The following LPCAT4 variants were observed in gnomAD, a reference collection of about 807,000 sequenced individuals.
LPCAT4 encodes the protein lysophosphatidylcholine acyltransferase 4.
Under a neutral mutation model 66.5 loss-of-function variants are expected in LPCAT4, and 30 were observed. The ratio of observed to expected loss-of-function variants is 0.45; its 90% CI spans 0.34 to 0.61. The LOEUF is 0.61. LPCAT4 is among the 20% of genes least tolerant of loss of function. The pLI is 0.01. For synonymous variants in LPCAT4, 253 were observed against 262.1 expected, an observed-to-expected ratio of 0.97 and a Z score of 0.34; for missense variants, 557 against 656.7, an observed-to-expected ratio of 0.85 and a Z score of 1.66.
Position 34,359,692 on chromosome 15 carries a change from G to A in LPCAT4, c.1296C>T (p.Gly432=), listed in dbSNP as rs754983616. 1.2e-5 allele frequency: 19 copies of A among 1,613,730 alleles called. No homozygotes were observed. The highest frequency in any genetic ancestry group is 9.3e-5 in the African/African-American group (7 of 74,926). The part of the protein sequence containing the change: ...EGPNRLLYKD[G]FSTILHLLLG... ...GCAGCAGGTGCAGGATGGTGCTGAA[G>A]CCGTCTTTGTACAGCAGGCGGTTGG... The change falls in exon 13 of 14, where the codon GGC becomes GGT. Residue 432 remains glycine, a synonymous_variant. Transcript: ENST00000314891.
At position 34,363,932 on chromosome 15, in the gene LPCAT4, T is replaced by C; in HGVS notation, c.652+81A>G. 6.8e-7 allele frequency: 1 copy of C among 1,467,062 alleles called. No homozygotes were observed. 90.9% of individuals were successfully genotyped at this position (1,467,062 alleles called of 1,614,324 possible). A position where few individuals can be genotyped will look rare whatever the true frequency, so the allele number is the denominator to read the frequency against. On this transcript the variant is annotated intron_variant, in intron 5 of 13. Transcript: ENST00000314891. The surrounding 1 kb of genome is among the most constrained non-coding windows in gnomAD (Gnocchi z 4.3). ...TCTCCCATCCCTCCCCCTCTTCTAC[T>C]TCTTGGGTTATTTCAGAGTCCCTCC...
rs1310216916 is a variant in LPCAT4 at position 34,362,561 on chromosome 15, T to G, written c.884+12A>C. The G allele has an allele frequency of 2.0e-6, 3 of 1,538,234 alleles. No homozygotes were observed. Among genetic ancestry groups the G allele is most frequent in the Non-Finnish European group, 2.6e-6 (3 of 1,141,700 alleles). On this transcript the variant is annotated intron_variant, in intron 9 of 13. Transcript: ENST00000314891. ...TGCAACTGCTCCAGGAAATAGTTTG[T>G]GGGGCACTCACTGTGCCATGACCCT...
intron 1 of LPCAT4, 123 bp from the exon 2 acceptor site, chr15:34,365,824 G>T: frequency 1.7e-6 from 2 of 1,204,430 alleles, no homozygotes; most frequent in Non-Finnish European, 2.3e-6. Context: ...GACAGGTGGT[G>T]TGGGAACAGG....
rs1261470931 is a variant in LPCAT4, at chr15:34,366,967, G to T, written c.114+20C>A. ...TCCTATCCTCACGGGTCCTTCCGAC[G>T]CCCGCTCCCCACACATTACCTTAAC... On this transcript the variant is annotated intron_variant, in intron 1 of 13. Coordinates refer to ENST00000314891, the MANE Select transcript of LPCAT4 (RefSeq NM_153613.3). 1 of 1,535,186 alleles carries T rather than the reference G, an allele frequency of 6.5e-7. No homozygotes were observed. Among genetic ancestry groups the T allele is most frequent in the African/African-American group, 1.4e-5 (1 of 72,730 alleles).
rs534885544 is a variant in LPCAT4 at position 34,361,485 on chromosome 15, C to T, written c.1058G>A (p.Arg353Gln). ...VDAGAEPGRSRMISQEEFARQ... is the reference protein window; with the variant it reads ...VDAGAEPGRSQMISQEEFARQ... Reference sequence around the variant, plus strand: ...GGCAAACTCTTCCTGGCTGATCATTCGACTCCGGCCTGGCTCTGCCCCAGC... The same window carrying T: ...GGCAAACTCTTCCTGGCTGATCATTTGACTCCGGCCTGGCTCTGCCCCAGC... The change falls in exon 11 of 14, where the codon CGA becomes CAA. Residue 353 changes from arginine to glutamine, a missense_variant. Transcript: ENST00000314891. The T allele has an allele frequency of 1.1e-5, 18 of 1,614,072 alleles. No individual in the cohort carries two copies. The highest frequency in any genetic ancestry group is 3.3e-5 in the Admixed American group (2 of 60,020).
In LPCAT4 at chr15:34,359,009, T is replaced by TAAAA; in HGVS notation, c.*114_*117dup. ...ACCAAACAAAAAATTAAAATCAACT[T>TAAAA]AAAAAAACAACAACCAAACAACAAT... is the stretch of plus-strand genomic sequence containing the variant. On this transcript the variant is annotated 3_prime_UTR_variant, in exon 14 of 14. Coordinates refer to ENST00000314891, the MANE Select transcript of LPCAT4 (RefSeq NM_153613.3). 2 of 826,374 alleles carry TAAAA rather than the reference T, an allele frequency of 2.4e-6. No homozygotes were observed. The highest frequency in any genetic ancestry group is 3.6e-5 in the African/African-American group (2 of 55,846). 51.2% of individuals were successfully genotyped at this position (826,374 alleles called of 1,614,324 possible).
At chr15:34,365,307 T>G in intron 2 of LPCAT4, 79 bp from the exon 3 acceptor site, 1 of 1,422,322 alleles carries the variant, frequency 7.0e-7, no homozygotes, top group Non-Finnish European at 9.6e-7. Flanking sequence ...ACCGGGAAAG[T>G]AGGGCACCCC....
intron 1 of LPCAT4, among the ~76,000 whole-genome samples, chr15:34,366,212 A>G (rs1891072686): frequency 1.3e-5 from 2 of 152,174 alleles, no homozygotes; most frequent in South Asian, 2.1e-4. Context: ...CTCAACAGCA[A>G]TCTTAGAGTA....
rs772590018 is a variant in LPCAT4 at position 34,363,741 on chromosome 15, A to AC, written c.653-23dup. Reference sequence around the variant, plus strand: ...GCTCCTAAATCCCATTTCCACCCCCACCCCCACAAGGCAGAGGTTAGTACA... The same window carrying AC: ...GCTCCTAAATCCCATTTCCACCCCCACCCCCCACAAGGCAGAGGTTAGTACA... On this transcript the variant is annotated intron_variant, in intron 5 of 13. Coordinates refer to ENST00000314891, the MANE Select transcript of LPCAT4 (RefSeq NM_153613.3). The surrounding 1 kb of genome is among the most constrained non-coding windows in gnomAD (Gnocchi z 4.3). 4 of 1,612,222 alleles carry AC rather than the reference A, an allele frequency of 2.5e-6. No homozygotes were observed. The highest frequency in any genetic ancestry group is 3.4e-6 in the Non-Finnish European group (4 of 1,179,220).
At chr15:34,360,030 A>T in intron 12 of LPCAT4, 81 bp downstream of exon 12, 1 of 1,191,168 alleles carries the variant, frequency 8.4e-7, no homozygotes, top group Admixed American at 2.0e-5. Context: ...AAGCTACTGG[A>T]AACAGCATAC....
At position 34,363,758 on chromosome 15, in the gene LPCAT4, G is replaced by T. The variant is rs1458012995; in HGVS notation, c.653-39C>A. ...CCACCCCCACCCCCACAAGGCAGAG[G>T]TTAGTACACAGAAGTAGCTAGAGGG... On this transcript the variant is annotated intron_variant, in intron 5 of 13. Transcript: ENST00000314891. This position sits in a 1 kb window ranked among gnomAD's most constrained non-coding sequence, Gnocchi z 4.3. The T allele has an allele frequency of 1.2e-6, 2 of 1,611,780 alleles. No individual in the cohort carries two copies. The highest frequency in any genetic ancestry group is 8.5e-7 in the Non-Finnish European group (1 of 1,177,914).
rs776018368 is a variant in LPCAT4, at chr15:34,363,611, G to A, written c.711+50C>T. 2.1e-5 allele frequency: 33 copies of A among 1,606,836 alleles called. No individual in the cohort carries two copies. Among genetic ancestry groups the A allele is most frequent in the Non-Finnish European group, 1.8e-5 (21 of 1,173,480 alleles). ...CAACAGTTTTCACTTATTTCCATTTGGGGTGGATTTGTGCTCCCCCTTTCC... is the reference window on the plus strand; with the variant it reads ...CAACAGTTTTCACTTATTTCCATTTAGGGTGGATTTGTGCTCCCCCTTTCC... On this transcript the variant is annotated intron_variant, in intron 6 of 13. Transcript: ENST00000314891. This position sits in a 1 kb window ranked among gnomAD's most constrained non-coding sequence, Gnocchi z 4.3.
chr15:34,361,096 G>T, intron 11 of LPCAT4: 2 of 822,190 alleles, frequency 2.4e-6, no homozygotes, highest in Non-Finnish European at 3.2e-6. Context: ...CCCTCACCCA[G>T]CACCCCAAAA....
In LPCAT4 at chr15:34,363,802, G is replaced by C; in HGVS notation, c.653-83C>G. On this transcript the variant is annotated intron_variant, in intron 5 of 13. Coordinates refer to ENST00000314891, the MANE Select transcript of LPCAT4 (RefSeq NM_153613.3). This position sits in a 1 kb window ranked among gnomAD's most constrained non-coding sequence, Gnocchi z 4.3. ...TAGAGGGCATGAGGTATGGCAGTCT[G>C]GGACAGTTCTCAAATGAGATATGGT... The C allele has an allele frequency of 6.7e-7, 1 of 1,501,316 alleles. No homozygotes were observed. Among genetic ancestry groups the C allele is most frequent in the Non-Finnish European group, 9.3e-7 (1 of 1,078,524 alleles). The allele number at this position is 1,501,316 out of a possible 1,614,324, so 93.0% of individuals were successfully genotyped here.
chr15:34,362,882 C>G, intron 7 of LPCAT4, 46 bp from the exon 8 acceptor site: 1 of 1,596,862 alleles, frequency 6.3e-7, no homozygotes, highest in Non-Finnish European at 8.6e-7. Flanking sequence ...TAACTATGGG[C>G]TCCTTCCCTG....
chr15:34,361,633 G>A (rs1890944772), intron 10 of LPCAT4, 101 bp from the exon 11 acceptor site: 2 of 1,405,754 alleles, frequency 1.4e-6, no homozygotes, highest in South Asian at 2.5e-5. Flanking sequence ...ATCAGTACAG[G>A]TTTAGCTGCT....
chr15:34,361,378 C>T (rs765299094), intron 11 of LPCAT4, 22 bp downstream of exon 11: 11 of 1,614,064 alleles, frequency 6.8e-6, no homozygotes, highest in Admixed American at 5.0e-5. Context: ...TTCTGCTCTG[C>T]TCTTTGTTCC....
chr15:34,365,910 C>T (rs1891065748), intron 1 of LPCAT4: 1 of 559,640 alleles, frequency 1.8e-6, no homozygotes, highest in African/African-American at 1.9e-5. Context: ...GCATCAAGGG[C>T]CTTATTTTCC....
Position 34,360,146 on chromosome 15 carries a change from T to C in LPCAT4, c.1207A>G (p.Arg403Gly), listed in dbSNP as rs1204480084. Residue 403 changes from arginine to glycine, a missense_variant, in exon 12 of 14, where the codon AGG becomes GGG. Coordinates refer to ENST00000314891, the MANE Select transcript of LPCAT4 (RefSeq NM_153613.3). ...ALALAALDGG[R>G]SLEELTRLAF... Reference sequence around the variant, plus strand: ...AGACGAGTTAGCTCTTCCAGGCTCCTGCCCCCATCCAGAGCTGCTAGTGCA... The same window carrying C: ...AGACGAGTTAGCTCTTCCAGGCTCCCGCCCCCATCCAGAGCTGCTAGTGCA... The C allele has an allele frequency of 7.4e-6, 12 of 1,611,334 alleles. No homozygotes were observed. Among genetic ancestry groups the C allele is most frequent in the South Asian group, 3.3e-5 (3 of 90,916 alleles).
Sources: allele counts gnomAD v4.1 joint callset (sites outside exome capture counted in the v4.1 genomes callset), GRCh38; gene constraint gnomAD v4.1.1; non-coding constraint Gnocchi (gnomAD v3.1); transcripts MANE v1.5; gene names NCBI Gene and HGNC (gene_info 2026-07-23, HGNC 2026-07-21).